The following FANCE variants were observed in gnomAD, a reference collection of about 807,000 sequenced individuals.
FANCE encodes the protein FA complementation group E, also known as Fanconi anemia group E protein.
FANCE carries 42 observed loss-of-function variants against 57.8 expected under a neutral mutation model. That is an observed-to-expected ratio of 0.73 (90% CI 0.57 to 0.94). FANCE has a LOEUF of 0.94. Among genes scored for constraint, FANCE ranks in the 40% least tolerant of loss-of-function variants. The probability of loss-of-function intolerance (pLI) is 0.00; values close to 1 mark genes in which losing one functional copy is unlikely to be tolerated. For missense variants in FANCE, 608 were observed against 661.8 expected, an observed-to-expected ratio of 0.92 and a Z score of 0.89; for synonymous variants, 251 against 286.4, an observed-to-expected ratio of 0.88 and a Z score of 1.25.
chr6:35,458,206 T>TA, intron 4 of FANCE, 91 bp from the exon 5 acceptor site: 2 of 1,551,928 alleles, frequency 1.3e-6, no homozygotes, highest in Non-Finnish European at 1.8e-6. Context: ...ATCTTTGCCC[T>TA]GCTCTGTCTG....
chr6:35,459,874 G>A, intron 7 of FANCE, 114 bp downstream of exon 7: 1 of 865,268 alleles, frequency 1.2e-6, no homozygotes, highest in Non-Finnish European at 2.0e-6. Context: ...GAAGCCTTAT[G>A]TGTATCATCT....
At chr6:35,457,824 C>A in intron 3 of FANCE, 92 bp from the exon 4 acceptor site, 1 of 1,183,552 alleles carries the variant, frequency 8.4e-7, no homozygotes, top group Non-Finnish European at 1.3e-6. Flanking sequence ...CTTCCAGGAT[C>A]TCAGGCCACT....
rs1767148177 is a variant in FANCE, at chr6:35,452,574, G to A, written c.29G>A (p.Gly10Glu). Residue 10 changes from glycine (G) to glutamate (E), a missense_variant, in exon 1 of 10, where the codon GGG becomes GAG. Physicochemically the swap from Gly to Glu is moderately conservative, Grantham distance 98 (BLOSUM62 -2). Transcript: ENST00000229769. ...GCGACACCGGACGCGGGGCTCCCTG[G>A]GGCTGAGGGCGTGGAGCCGGCGCCC... is the stretch of plus-strand genomic sequence containing the variant. MATPDAGLP[G>E]AEGVEPAPWA... 2.0e-5 allele frequency: 26 copies of A among 1,331,104 alleles called. No homozygotes were observed. The highest frequency in any genetic ancestry group is 3.0e-5 in the African/African-American group (2 of 66,258). The allele number at this position is 1,331,104 out of a possible 1,614,324, so 82.5% of individuals were successfully genotyped here.
chr6:35,463,050 C>T (rs1767655137), intron 9 of FANCE, 136 bp downstream of exon 9: 3 of 1,267,314 alleles, frequency 2.4e-6, no homozygotes, highest in East Asian at 4.8e-5. Context: ...CCTGTAATCT[C>T]AGCACTTTGG....
chr6:35,461,139 T>C (rs1403901045), intron 8 of FANCE, among the ~76,000 whole-genome samples: 1 of 152,142 alleles, frequency 6.6e-6, no homozygotes, highest in East Asian at 1.9e-4. Flanking sequence ...CCAGAACTCC[T>C]GTGGCCTCAG....
In FANCE at chr6:35,460,830, C is replaced by A. The variant is rs45488897; in HGVS notation, c.1383+212C>A. Among the ~76,000 whole-genome samples, 489 of 152,224 alleles carry A rather than the reference C, an allele frequency of 3.2e-3. 7 individuals are homozygous for A. Among genetic ancestry groups the A allele is most frequent in the Non-Finnish European group, 5.1e-3 (349 of 68,016 alleles). On this transcript the variant is annotated intron_variant, in intron 8 of 9. Transcript: ENST00000229769. ...ATGGTCACTTCAGCTCCACCTCTTA[C>A]CAGCTGGGGGGGCCTTGGGGGTGGG...
chr6:35,452,895 C>A, intron 1 of FANCE, 102 bp downstream of exon 1: 1 of 1,173,894 alleles, frequency 8.5e-7, no homozygotes, highest in Non-Finnish European at 1.1e-6. Flanking sequence ...CGACGGCCTG[C>A]CGCGCACCCT....
chr6:35,459,660 C>A, intron 6 of FANCE, 22 bp from the exon 7 acceptor site: 1 of 1,612,986 alleles, frequency 6.2e-7, no homozygotes, highest in South Asian at 1.1e-5. Flanking sequence ...CCAGACTTCC[C>A]CTTCTGCTGT....
Position 35,455,812 on chromosome 6 carries a change from T to C in FANCE, c.314T>C (p.Val105Ala). The C allele has an allele frequency of 6.2e-7, 1 of 1,614,118 alleles. No homozygotes were observed. The highest frequency in any genetic ancestry group is 8.5e-7 in the Non-Finnish European group (1 of 1,179,996). The change falls in exon 2 of 10, where the codon GTT becomes GCT. Residue 105 changes from valine (V) to alanine (A), a missense_variant. By Grantham distance (64) the Val-to-Ala change is moderately conservative (BLOSUM62 0). Transcript: ENST00000229769. The stretch of plus-strand genomic sequence containing the variant: ...AACCTGATGTCCCTGCTGATGGCCG[T>C]TCGGCCATCGCTGCCGGAAAGTGGG... ...QRNLMSLLMA[V>A]RPSLPESGLL...
At chr6:35,457,690 T>A in intron 3 of FANCE, 90 bp downstream of exon 3, 3 of 1,443,676 alleles carry the variant, frequency 2.1e-6, no homozygotes, top group Non-Finnish European at 2.9e-6. Context: ...TGCAGTGATA[T>A]ACAAGCTGGC....
chr6:35,461,892 C>T (rs145046225), intron 8 of FANCE, among the ~76,000 whole-genome samples: 45 of 151,998 alleles, frequency 3.0e-4, no homozygotes, highest in African/African-American at 1.0e-3. Context: ...CGTGATCCAC[C>T]GGCCTCGGCC....
chr6:35,455,624 T>C, intron 1 of FANCE, 123 bp from the exon 2 acceptor site: 2 of 1,197,820 alleles, frequency 1.7e-6, no homozygotes, highest in East Asian at 2.3e-5. Flanking sequence ...ATCCACTGAC[T>C]CTTGCAGATA....
Position 35,456,180 on chromosome 6 carries a change from G to T in FANCE, c.682G>T (p.Asp228Tyr). 1.2e-6 allele frequency: 2 copies of T among 1,614,194 alleles called. No individual in the cohort carries two copies. Among genetic ancestry groups the T allele is most frequent in the South Asian group, 1.1e-5 (1 of 91,086 alleles). ...ATTACGGTGTTGGGAAGAGGAAGAA[G>T]ATCATGAGAAGGAGAGACCCGAACA... Reference protein sequence around the residue: ...KRLRCWEEEEDHEKERPEHKS... With the variant: ...KRLRCWEEEEYHEKERPEHKS... Residue 228 changes from aspartate to tyrosine, a missense_variant, in exon 2 of 10, where the codon GAT becomes TAT. Transcript: ENST00000229769. This position sits in a 1 kb window ranked among gnomAD's most constrained non-coding sequence, Gnocchi z 4.3.
At chr6:35,460,432 TTGGCTGGGGATCTTGGC>T in intron 7 of FANCE, 103 bp from the exon 8 acceptor site, 1 of 982,178 alleles carries the variant, frequency 1.0e-6, no homozygotes, top group South Asian at 1.3e-5. Context: ...TACCCCTTTG[TTGGCTGGGGATCTTGGC>T]TGTCCCCAGG....
At chr6:35,460,305 G>C (rs1034183355) in intron 7 of FANCE, among the ~76,000 whole-genome samples, 2 of 152,154 alleles carry the variant, frequency 1.3e-5, no homozygotes, top group African/African-American at 4.8e-5. Flanking sequence ...TAGTAGAGAC[G>C]GGATTTCACC....
rs538711723 is a variant in FANCE at position 35,457,211 on chromosome 6, C to T, written c.856-345C>T. On this transcript the variant is annotated intron_variant, in intron 2 of 9. Transcript: ENST00000229769. ...GCATGAATATAACTCACTGCAGCCTCGACCTCCTGGGCTCAAGTGATCCTC... is the reference window on the plus strand; with the variant it reads ...GCATGAATATAACTCACTGCAGCCTTGACCTCCTGGGCTCAAGTGATCCTC... Among the ~76,000 whole-genome samples, 45 of 152,146 alleles carry T rather than the reference C, an allele frequency of 3.0e-4. 1 individual carries two copies. The South Asian group carries it at 9.1e-3, about 31-fold the overall frequency.
chr6:35,457,613 A>G lies in FANCE; in HGVS notation c.900+13A>G, dbSNP rs775959786. 1.2e-6 allele frequency: 2 copies of G among 1,613,482 alleles called. No individual in the cohort carries two copies. The highest frequency in any genetic ancestry group is 1.3e-5 in the African/African-American group (1 of 74,908). ...GACCTTGGAGGAGGTGACTGGCCCC[A>G]CAGTGCTCACCATAGCCTTTCTTCC... On this transcript the variant is annotated intron_variant, in intron 3 of 9. Coordinates refer to ENST00000229769, the MANE Select transcript of FANCE (RefSeq NM_021922.3).
At position 35,456,241 on chromosome 6, in the gene FANCE, C is replaced by T. The variant is rs1767337048; in HGVS notation, c.743C>T (p.Ala248Val). 2.5e-6 allele frequency: 4 copies of T among 1,614,186 alleles called. No individual in the cohort carries two copies. The highest frequency in any genetic ancestry group is 1.7e-6 in the Non-Finnish European group (2 of 1,180,030). Reference sequence around the variant, plus strand: ...GAATCCCTGGCAGATGGAGGAAGTGCATCTCCTATTAAGGACCAGCCTGTC... The same window carrying T: ...GAATCCCTGGCAGATGGAGGAAGTGTATCTCCTATTAAGGACCAGCCTGTC... ...SLESLADGGS[A>V]SPIKDQPVMA... The change falls in exon 2 of 10, where the codon GCA (alanine) becomes GTA (valine). Residue 248 changes from alanine (A) to valine (V), a missense_variant. Ala to Val is a moderately conservative substitution (Grantham distance 64). Transcript: ENST00000229769. This position sits in a 1 kb window ranked among gnomAD's most constrained non-coding sequence, Gnocchi z 4.3.
chr6:35,466,203 T>C (rs756663263), intron 9 of FANCE, 41 bp from the exon 10 acceptor site: 9 of 1,270,068 alleles, frequency 7.1e-6, no homozygotes, highest in Non-Finnish European at 1.0e-5. Flanking sequence ...ACGGGAGGGA[T>C]CAGTTGCTGG....
Sources: gnomAD v4.1 joint callset for allele counts (sites outside exome capture counted in the v4.1 genomes callset) on GRCh38, gnomAD v4.1.1 for gene constraint, Gnocchi (gnomAD v3.1) non-coding constraint, MANE v1.5 for transcripts, NCBI Gene and HGNC (gene_info 2026-07-23, HGNC 2026-07-21) for gene names.